The following RBM41 variants were observed in gnomAD, a reference collection of about 807,000 sequenced individuals.
The protein encoded by RBM41 is RNA-binding protein 41.
Under a neutral mutation model 30.8 loss-of-function variants are expected in RBM41, and 14 were observed. The observed-to-expected ratio is 0.45, with a 90% CI of 0.30 to 0.71. The LOEUF (loss-of-function observed/expected upper bound fraction) is 0.71, where lower values mean the gene tolerates loss of function less well. RBM41 is among the 30% of genes least tolerant of loss of function. RBM41 has a pLI of 0.08. For synonymous variants in RBM41, 120 were observed against 110.1 expected (o/e 1.09, Z -0.56); for missense variants, 276 against 326.3 (o/e 0.85, Z 1.19).
At chrX:107,091,023 T>C (rs995073154) in intron 5 of RBM41, among the ~76,000 whole-genome samples, 2 of 109,771 alleles carry the variant, frequency 1.8e-5, no homozygotes, top group Admixed American at 2.0e-4. Flanking sequence ...TGTGTTCTCA[T>C]TGTTCAACTC....
intron 5 of RBM41, among the ~76,000 whole-genome samples, chrX:107,099,071 A>C (rs929225589): frequency 2.7e-5 from 3 of 111,751 alleles, no homozygotes; most frequent in African/African-American, 9.8e-5. Context: ...ATTTTATTAC[A>C]TAGAGATCAA....
intron 6 of RBM41, among the ~76,000 whole-genome samples, chrX:107,082,488 C>T (rs1921615516): frequency 9.0e-6 from 1 of 111,298 alleles, no homozygotes; most frequent in Non-Finnish European, 1.9e-5. Context: ...TGCTTCTATA[C>T]ACGAGGGATA....
chrX:107,082,994 CTCTT>C (rs758995518), intron 6 of RBM41, among the ~76,000 whole-genome samples: 30 of 110,818 alleles, frequency 2.7e-4, no homozygotes, highest in African/African-American at 8.1e-4. Flanking sequence ...TTCTCCTACG[CTCTT>C]TCTTTCTTTA....
intron 4 of RBM41, chrX:107,115,121 G>A (rs987771035): frequency 2.3e-5 from 9 of 397,852 alleles, no homozygotes; most frequent in Non-Finnish European, 3.5e-5. Flanking sequence ...TAGATGCTCT[G>A]TGTTCTGCAC....
downstream of RBM41, among the ~76,000 whole-genome samples, chrX:107,060,547 C>A (rs1935624050): frequency 9.0e-6 from 1 of 111,617 alleles, no homozygotes; most frequent in African/African-American, 3.3e-5. Flanking sequence ...AGACACTGAA[C>A]CTGCCAACAC....
At chrX:107,095,929 A>C (rs1310225318) in intron 5 of RBM41, among the ~76,000 whole-genome samples, 2 of 111,463 alleles carry the variant, frequency 1.8e-5, no homozygotes, top group Non-Finnish European at 3.8e-5. Context: ...AGGCAAGAGG[A>C]TCCCTTGAGC....
At position 107,067,411 on chromosome X, in the gene RBM41, C is replaced by T; in HGVS notation, c.*116G>A. On this transcript the variant is annotated 3_prime_UTR_variant, in exon 8 of 8. Coordinates refer to ENST00000685964, the MANE Select transcript of RBM41 (RefSeq NM_001324242.2). The stretch of plus-strand genomic sequence containing the variant: ...CAAAAGCTGAAATTACTTTTTTCCC[C>T]TCCCTCAGTTAGTTTTTCCTCTTCA... 1.8e-6 allele frequency: 2 copies of T among 1,092,965 alleles called. No homozygotes were observed. The highest frequency in any genetic ancestry group is 2.4e-6 in the Non-Finnish European group (2 of 839,836). 90.1% of individuals were successfully genotyped at this position (1,092,965 alleles called of 1,213,427 possible).
intron 5 of RBM41, among the ~76,000 whole-genome samples, chrX:107,102,726 AGCT>A (rs766939063): frequency 1.2e-4 from 13 of 111,511 alleles, no homozygotes; most frequent in Non-Finnish European, 2.4e-4. Flanking sequence ...ATGGGGCTAT[AGCT>A]GCCCTGATAG....
Position 107,065,052 on chromosome X carries a change from T to C in RBM41, c.*2475A>G, listed in dbSNP as rs188520779. On this transcript the variant is annotated 3_prime_UTR_variant, in exon 8 of 8. Transcript: ENST00000685964. ...ATCTCCAGTAACATTTTTTTAAGTCTATTTTGTCTGGTATTAGAATAGCCA... is the reference window on the plus strand; with the variant it reads ...ATCTCCAGTAACATTTTTTTAAGTCCATTTTGTCTGGTATTAGAATAGCCA... 53 of 111,924 alleles carry C rather than the reference T, an allele frequency of 4.7e-4. No homozygotes were observed. Among genetic ancestry groups the C allele is most frequent in the African/African-American group, 1.7e-3 (53 of 30,916 alleles). 9.2% of individuals were successfully genotyped at this position (111,924 alleles called of 1,213,427 possible). A position where few individuals can be genotyped will look rare whatever the true frequency, so the allele number is the denominator to read the frequency against.
At chrX:107,057,511 A>G (rs895496932), downstream of RBM41, among the ~76,000 whole-genome samples, 5 of 111,805 alleles carry the variant, frequency 4.5e-5, no homozygotes, top group Non-Finnish European at 5.6e-5. Flanking sequence ...GACACTTCAT[A>G]TTGTTTCAAT....
chrX:107,058,543 G>T (rs968077206), downstream of RBM41, among the ~76,000 whole-genome samples: 1 of 111,063 alleles, frequency 9.0e-6, no homozygotes. Flanking sequence ...TTTGGTTATA[G>T]AGCTAGTAAA....
At chrX:107,074,669 G>T (rs1201852198) in intron 6 of RBM41, among the ~76,000 whole-genome samples, 1 of 111,621 alleles carries the variant, frequency 9.0e-6, no homozygotes, top group African/African-American at 3.3e-5. Flanking sequence ...ATTTACAACG[G>T]TATTGAAAAG....
downstream of RBM41, among the ~76,000 whole-genome samples, chrX:107,060,911 A>T (rs1339133592): frequency 9.0e-6 from 1 of 111,722 alleles, no homozygotes; most frequent in Non-Finnish European, 1.9e-5. Context: ...AAAAATTATC[A>T]TCAAATATGT....
At chrX:107,073,744 C>A (rs767137973) in intron 6 of RBM41, among the ~76,000 whole-genome samples, 1 of 111,683 alleles carries the variant, frequency 9.0e-6, no homozygotes. Context: ...AACCTAGGTG[C>A]CCAACGATGT....
intron 1 of RBM41, among the ~76,000 whole-genome samples, chrX:107,118,239 T>G (rs1461499552): frequency 1.2e-5 from 1 of 83,129 alleles, no homozygotes; most frequent in African/African-American, 4.6e-5. Flanking sequence ...ACCGCTTTGG[T>G]GCTGTCCTTC....
intron 3 of RBM41, 102 bp downstream of exon 3, chrX:107,115,760 G>A (rs1924833156): frequency 2.8e-5 from 28 of 1,008,709 alleles, no homozygotes; most frequent in Non-Finnish European, 3.6e-5. Flanking sequence ...GCTCAGTTTT[G>A]TGAGAACTAG....
chrX:107,097,666 C>T (rs917262325), intron 5 of RBM41, among the ~76,000 whole-genome samples: 13 of 111,713 alleles, frequency 1.2e-4, no homozygotes, highest in Non-Finnish European at 2.3e-4. Context: ...ATTATCCAGT[C>T]TCCAGTATTT....
Position 107,113,388 on chromosome X carries a change from T to C in RBM41, c.595+9A>G. ...TAAGTCTAACACTATAAGAAAACTC[T>C]CGACTTGCCTTTTGTGCCTAATTTT... On this transcript the variant is annotated intron_variant, in intron 5 of 7. Coordinates refer to ENST00000685964, the MANE Select transcript of RBM41 (RefSeq NM_001324242.2). The C allele has an allele frequency of 1.0e-6, 1 of 982,581 alleles. No homozygotes were observed. Among genetic ancestry groups the C allele is most frequent in the Non-Finnish European group, 1.3e-6 (1 of 755,983 alleles). The allele number at this position is 982,581 out of a possible 1,213,427, so 81.0% of individuals were successfully genotyped here. A position where few individuals can be genotyped will look rare whatever the true frequency, so the allele number is the denominator to read the frequency against.
intron 5 of RBM41, among the ~76,000 whole-genome samples, chrX:107,106,984 C>T (rs181687726): frequency 4.5e-4 from 50 of 110,544 alleles, no homozygotes; most frequent in African/African-American, 1.4e-3. Flanking sequence ...CAAACCTGCA[C>T]GTTGTACACA....
Sources: gnomAD v4.1 joint callset for allele counts (sites outside exome capture counted in the v4.1 genomes callset) on GRCh38, gnomAD v4.1.1 for gene constraint, MANE v1.5 for transcripts, NCBI Gene and HGNC (gene_info 2026-07-23, HGNC 2026-07-21) for gene names.